The following UST variants were observed in gnomAD, a reference collection of about 807,000 sequenced individuals.
UST encodes uronyl 2-sulfotransferase.
Under a neutral mutation model 45.6 loss-of-function variants are expected in UST, and 21 were observed. The ratio of observed to expected loss-of-function variants is 0.46; its 90% confidence interval spans 0.33 to 0.66. The LOEUF (loss-of-function observed/expected upper bound fraction) is 0.66. Among genes scored for constraint, UST ranks in the 30% least tolerant of loss-of-function variants. The pLI is 0.02. For missense variants in UST, 463 were observed against 512.4 expected (o/e 0.90, Z 0.93); for synonymous variants, 215 against 200.6 (o/e 1.07, Z -0.61).
At chr6:148,802,570 T>TTC (rs377012646) in intron 1 of UST, among the ~76,000 whole-genome samples, 1 of 152,130 alleles carries the variant, frequency 6.6e-6, no homozygotes, top group African/African-American at 2.4e-5. Flanking sequence ...TGATTTCATT[T>TTC]TCTCTCTCTC....
chr6:148,757,899 A>G (rs1776127109), intron 1 of UST, among the ~76,000 whole-genome samples: 1 of 152,254 alleles, frequency 6.6e-6, no homozygotes, highest in South Asian at 2.1e-4. Flanking sequence ...CTGTGTTACC[A>G]TTTATTAGCT....
rs566453168 is a variant in UST at position 148,877,197 on chromosome 6, C to T, written c.248-9789C>T. 3.0e-3 allele frequency among the ~76,000 whole-genome samples: 58 copies of T among 19,158 alleles called. 1 individual carries two copies. Among genetic ancestry groups the T allele is most frequent in the African/African-American group, 0.014 (54 of 3,772 alleles). 12.6% of individuals were successfully genotyped at this position (19,158 alleles called of 152,430 possible). A position where few individuals can be genotyped will look rare whatever the true frequency, so the allele number is the denominator to read the frequency against. ...TGAGTGTGGGGGTCGTGTATGAGTG[C>T]GGGGGGTCATGTGTGGGTGGGGGGA... On this transcript the variant is annotated intron_variant, in intron 1 of 7. Coordinates refer to ENST00000367463, the MANE Select transcript of UST (RefSeq NM_005715.3).
intron 6 of UST, among the ~76,000 whole-genome samples, 198 bp from the exon 7 acceptor site, chr6:149,021,126 G>A (rs1775971679): frequency 6.6e-6 from 1 of 152,172 alleles, no homozygotes; most frequent in Non-Finnish European, 1.5e-5. Context: ...GACAGAGAAG[G>A]AATGGTGAGC....
At chr6:148,867,796 C>G (rs1252749416) in intron 1 of UST, among the ~76,000 whole-genome samples, 1 of 152,116 alleles carries the variant, frequency 6.6e-6, no homozygotes, top group Non-Finnish European at 1.5e-5. Context: ...TCTTTATCAG[C>G]ACCATGAGAA....
intron 1 of UST, among the ~76,000 whole-genome samples, chr6:148,801,611 T>C (rs1777058664): frequency 6.6e-6 from 1 of 152,138 alleles, no homozygotes. Context: ...CACTCCACTT[T>C]TTGCAGCCAA....
intron 1 of UST, among the ~76,000 whole-genome samples, chr6:148,873,579 G>A (rs999513761): frequency 2.6e-5 from 4 of 152,170 alleles, no homozygotes; most frequent in African/African-American, 4.8e-5. Flanking sequence ...CAAGCCTGCC[G>A]TGGCTCCCAG....
In UST at chr6:148,990,473, C is replaced by T. The variant is rs764857107; in HGVS notation, c.681+25910C>T. On this transcript the variant is annotated intron_variant, in intron 5 of 7. Transcript: ENST00000367463. ...TCCATTAGCTGCTTGACCTCTTTAACGTGACACCAGTGTGTTTTCCTGGAT... is the reference window on the plus strand; with the variant it reads ...TCCATTAGCTGCTTGACCTCTTTAATGTGACACCAGTGTGTTTTCCTGGAT... The T allele has an allele frequency of 1.4e-5, 11 of 813,368 alleles. No individual in the cohort carries two copies. In the South Asian group the frequency reaches 4.5e-4, roughly 33 times the overall value. The allele number at this position is 813,368 out of a possible 1,614,324, so 50.4% of individuals were successfully genotyped here. A position where few individuals can be genotyped will look rare whatever the true frequency, so the allele number is the denominator to read the frequency against.
chr6:148,817,288 T>TA (rs1316067189), intron 1 of UST, among the ~76,000 whole-genome samples: 1 of 152,226 alleles, frequency 6.6e-6, no homozygotes, highest in Non-Finnish European at 1.5e-5. Flanking sequence ...TTTTTGTAAA[T>TA]ACTGCTTTAT....
At chr6:148,916,694 C>T (rs2114888123) in intron 2 of UST, among the ~76,000 whole-genome samples, 1 of 152,292 alleles carries the variant, frequency 6.6e-6, no homozygotes, top group South Asian at 2.1e-4. Context: ...TGCCTCAGCC[C>T]TACCCTGAAA....
rs1554224141 is a variant in UST at position 148,894,826 on chromosome 6, T to TTC, written c.291+7798_291+7799insCT. 1.3e-3 allele frequency among the ~76,000 whole-genome samples: 173 copies of TTC among 138,378 alleles called. 2 individuals are homozygous for TTC. The highest frequency in any genetic ancestry group is 2.9e-3 in the Admixed American group (40 of 13,682). 90.8% of individuals were successfully genotyped at this position (138,378 alleles called of 152,430 possible). A position where few individuals can be genotyped will look rare whatever the true frequency, so the allele number is the denominator to read the frequency against. On this transcript the variant is annotated intron_variant, in intron 2 of 7. Transcript: ENST00000367463. ...GATAATTTCAGTGCTTTTTTTTTTT[T>TTC]TTTTTTTTTTGAGATGGAGTCTCGC...
rs139597377 is a variant in UST at position 148,748,605 on chromosome 6, C to T, written c.247+928C>T. 6.6e-6 allele frequency among the ~76,000 whole-genome samples: 1 copy of T among 152,008 alleles called. No homozygotes were observed. The highest frequency in any genetic ancestry group is 2.4e-5 in the African/African-American group (1 of 41,372). ...GTGCCAGGGACAGGCGAGCGCAAGC[C>T]CAGGTCGCAAGGACGATGCTGGCAC... On this transcript the variant is annotated intron_variant, in intron 1 of 7. Transcript: ENST00000367463. This position sits in a 1 kb window ranked among gnomAD's most constrained non-coding sequence, Gnocchi z 5.3.
chr6:148,829,712 T>C (rs1777645444), intron 1 of UST, among the ~76,000 whole-genome samples: 1 of 152,180 alleles, frequency 6.6e-6, no homozygotes, highest in Non-Finnish European at 1.5e-5. Flanking sequence ...TTCACTTTTA[T>C]ATATTCAGAA....
intron 1 of UST, among the ~76,000 whole-genome samples, chr6:148,809,562 T>C (rs1417201601): frequency 6.6e-6 from 1 of 152,222 alleles, no homozygotes; most frequent in East Asian, 1.9e-4. Context: ...CAGTCTTCTG[T>C]ATCCTTAGCA....
intron 7 of UST, among the ~76,000 whole-genome samples, chr6:149,044,768 G>A (rs941822341): frequency 4.6e-5 from 7 of 152,182 alleles, no homozygotes; most frequent in African/African-American, 1.7e-4. Context: ...AAGGATCCAA[G>A]TTTGCTTAAT....
intron 5 of UST, among the ~76,000 whole-genome samples, chr6:148,986,419 T>C (rs1781238132): frequency 6.6e-6 from 1 of 152,228 alleles, no homozygotes; most frequent in African/African-American, 2.4e-5. Flanking sequence ...CAGCTAGTGG[T>C]ATGTTAGAGC....
chr6:148,846,489 C>T (rs1458034216), intron 1 of UST, among the ~76,000 whole-genome samples: 1 of 151,862 alleles, frequency 6.6e-6, no homozygotes, highest in African/African-American at 2.4e-5. Flanking sequence ...GGAGATATAC[C>T]TAATGCTAAA....
At position 149,076,868 on chromosome 6, in the gene UST, T is replaced by C. The variant is rs1446510372; in HGVS notation, c.*2752T>C. 2 of 152,354 alleles carry C rather than the reference T, an allele frequency of 1.3e-5. No homozygotes were observed. Among genetic ancestry groups the C allele is most frequent in the Admixed American group, 1.3e-4 (2 of 15,264 alleles). The allele number at this position is 152,354 out of a possible 1,614,324, so 9.4% of individuals were successfully genotyped here. On this transcript the variant is annotated 3_prime_UTR_variant, in exon 8 of 8. Coordinates refer to ENST00000367463, the MANE Select transcript of UST (RefSeq NM_005715.3). ...ACTTTCTTGAGTGCCGTAAAAGTGC[T>C]TGTAAATCTTTTTTTTTTTTTAAGA...
chr6:148,914,890 A>G (rs919873511), intron 2 of UST, among the ~76,000 whole-genome samples: 2 of 152,230 alleles, frequency 1.3e-5, no homozygotes, highest in African/African-American at 4.8e-5. Flanking sequence ...ACAAAATACC[A>G]TAGACTGGGT....
In UST at chr6:148,989,219, AC is replaced by A. The variant is rs1345904773; in HGVS notation, c.681+24662del. Among the ~76,000 whole-genome samples the A allele has an allele frequency of 4.0e-3, 275 of 67,938 alleles. 2 individuals are homozygous for A. The highest frequency in any genetic ancestry group is 0.011 in the African/African-American group (257 of 23,952). 44.6% of individuals were successfully genotyped at this position (67,938 alleles called of 152,430 possible). ...TTGACTTCAGTAAAGGCCCCCCCCC[AC>A]CCCCCGCAAATGAAAACCTTGATTA... On this transcript the variant is annotated intron_variant, in intron 5 of 7. Transcript: ENST00000367463.
Sources: gnomAD v4.1 joint callset for allele counts (sites outside exome capture counted in the v4.1 genomes callset) on GRCh38, gnomAD v4.1.1 for gene constraint, Gnocchi (gnomAD v3.1) non-coding constraint, MANE v1.5 for transcripts, NCBI Gene and HGNC (gene_info 2026-07-23, HGNC 2026-07-21) for gene names.